Variants in TDRD12 observed in about 807,000 individuals in gnomAD.
The protein encoded by TDRD12 is putative ATP-dependent RNA helicase TDRD12.
In TDRD12, 158 loss-of-function variants were observed where a neutral mutation model predicts 133.5. The ratio of observed to expected loss-of-function variants is 1.18; its 90% CI spans 1.04 to 1.35. The LOEUF (loss-of-function observed/expected upper bound fraction) is 1.35. TDRD12 is among the 40% of genes most tolerant of loss of function. TDRD12 has a pLI of 0.00. For missense variants in TDRD12, 1,443 were observed against 1,321.3 expected, an observed-to-expected ratio of 1.09 and a Z score of -1.43; for synonymous variants, 460 against 477.9, an observed-to-expected ratio of 0.96 and a Z score of 0.49.
intron 1 of TDRD12, among the ~76,000 whole-genome samples, chr19:32,729,778 CTTTTTTTTTT>C (rs1162347194): frequency 2.2e-4 from 16 of 73,688 alleles, no homozygotes; most frequent in East Asian, 1.1e-3. Flanking sequence ...TTTTCTTTTT[CTTTTTTTTTT>C]TTTTTTTTTT....
intron 14 of TDRD12, among the ~76,000 whole-genome samples, chr19:32,796,967 G>A (rs1971245744): frequency 6.6e-6 from 1 of 151,322 alleles, no homozygotes; most frequent in African/African-American, 2.4e-5. Flanking sequence ...GTGTCCTAAG[G>A]AAGAGAGGTT....
intron 14 of TDRD12, chr19:32,796,152 A>C (rs1316670699): frequency 1.0e-6 from 1 of 985,268 alleles, no homozygotes; most frequent in Non-Finnish European, 1.2e-6. Flanking sequence ...TGGAACCTGC[A>C]TCTCGGGGCC....
chr19:32,826,424 T>C (rs1323031528), intron 8 of TDRD12, 21 bp from the exon 31 acceptor site: 1 of 1,248,210 alleles, frequency 8.0e-7, no homozygotes, highest in Non-Finnish European at 1.0e-6. Flanking sequence ...AGGCTGACTT[T>C]ATTTCTTTTT....
chr19:32,778,720 G>A (rs1190802616), intron 11 of TDRD12, among the ~76,000 whole-genome samples: 2 of 152,084 alleles, frequency 1.3e-5, no homozygotes, highest in African/African-American at 4.8e-5. Context: ...GGCTGGTCTC[G>A]AACTCATGAC....
rs1966988387 is a variant in TDRD12 at position 32,811,160 on chromosome 19, T to C, written c.2838-50T>C. On this transcript the variant is annotated intron_variant, in intron 23 of 27. Transcript: ENST00000444215. ...ATTTCATGGTAATTTGAGGCAAAGATGATCCTTTCTGGAATCTCTGCGTTG... is the reference window on the plus strand; with the variant it reads ...ATTTCATGGTAATTTGAGGCAAAGACGATCCTTTCTGGAATCTCTGCGTTG... 3 of 1,382,248 alleles carry C rather than the reference T, an allele frequency of 2.2e-6. No individual in the cohort carries two copies. The East Asian group carries it at 7.6e-5, about 35-fold the overall frequency. The allele number at this position is 1,382,248 out of a possible 1,614,324, so 85.6% of individuals were successfully genotyped here. A position where few individuals can be genotyped will look rare whatever the true frequency, so the allele number is the denominator to read the frequency against.
At chr19:32,787,279 C>G (rs1970935939) in intron 11 of TDRD12, among the ~76,000 whole-genome samples, 1 of 152,160 alleles carries the variant, frequency 6.6e-6, no homozygotes, top group Admixed American at 6.5e-5. Context: ...GCTGCCTGAT[C>G]CTTCCTCTGG....
intron 21 of TDRD12, 21 bp downstream of exon 21, chr19:32,803,163 T>C (rs1161353418): frequency 6.7e-7 from 1 of 1,482,246 alleles, no homozygotes; most frequent in African/African-American, 1.4e-5. Flanking sequence ...AATTTGTTTC[T>C]TATTAAACTG....
Position 32,731,699 on chromosome 19 carries a change from CTGTT to C in TDRD12, c.25-22_25-19del, listed in dbSNP as rs1027433024. ...TACTACTTTTAAATCATACGCTGTT[CTGTT>C]TGTCTTTTAAAAAATTTACAGATTG... On this transcript the variant is annotated intron_variant, in intron 1 of 27. Transcript: ENST00000444215. 4.6e-6 allele frequency: 7 copies of C among 1,520,978 alleles called. No homozygotes were observed. In the African/African-American group the frequency reaches 9.8e-5, roughly 21 times the overall value. The allele number at this position is 1,520,978 out of a possible 1,614,324, so 94.2% of individuals were successfully genotyped here.
At chr19:32,750,450 G>A (rs1293615373) in intron 6 of TDRD12, among the ~76,000 whole-genome samples, 2 of 152,194 alleles carry the variant, frequency 1.3e-5, no homozygotes, top group African/African-American at 4.8e-5. Context: ...ATTGTATTTT[G>A]AAATAGACTT....
chr19:32,798,533 A>G lies in TDRD12; in HGVS notation c.1758+98A>G. ...GGAAAAGTGTCTGGTTGGGGAATAC[A>G]TTGGTTAATCTAAAAAAATTTTATG... is the stretch of plus-strand genomic sequence containing the variant. On this transcript the variant is annotated intron_variant, in intron 16 of 27. Transcript: ENST00000444215. The G allele has an allele frequency of 2.9e-6, 3 of 1,023,478 alleles. No individual in the cohort carries two copies. In the South Asian group the frequency reaches 8.0e-5, roughly 27 times the overall value. The allele number at this position is 1,023,478 out of a possible 1,614,324, so 63.4% of individuals were successfully genotyped here.
At chr19:32,720,737 C>T (rs186861406) in intron 1 of TDRD12, among the ~76,000 whole-genome samples, 1,111 of 66,562 alleles carry the variant, frequency 0.017, 68 homozygotes, top group East Asian at 0.12. Flanking sequence ...CACCCCACCA[C>T]CACCCCATCT....
At chr19:32,746,173 TGA>T (rs1969616158) in intron 4 of TDRD12, among the ~76,000 whole-genome samples, 1 of 144,474 alleles carries the variant, frequency 6.9e-6, no homozygotes, top group South Asian at 2.2e-4. Flanking sequence ...ATTCTGTGTG[TGA>T]GAGAGACGGG....
intron 3 of TDRD12, 46 bp downstream of exon 3, chr19:32,739,038 G>A (rs1273361879): frequency 7.1e-6 from 11 of 1,545,976 alleles, no homozygotes; most frequent in Non-Finnish European, 8.7e-6. Context: ...AGAGACAAAT[G>A]TCAGTTTCAA....
chr19:32,820,768 CAGT>C (rs1453197206), intron 27 of TDRD12, among the ~76,000 whole-genome samples: 3 of 152,164 alleles, frequency 2.0e-5, no homozygotes, highest in Non-Finnish European at 4.4e-5. Flanking sequence ...AAGTGGGCAG[CAGT>C]GAGTATGGAA....
intron 21 of TDRD12, among the ~76,000 whole-genome samples, chr19:32,807,033 G>A (rs181657419): frequency 3.3e-5 from 5 of 152,194 alleles, no homozygotes; most frequent in Admixed American, 1.3e-4. Flanking sequence ...GTTAAGGAAC[G>A]GCTTCTGGGT....
downstream of TDRD12, among the ~76,000 whole-genome samples, chr19:32,821,929 T>G (rs1967410670): frequency 6.6e-6 from 1 of 152,106 alleles, no homozygotes; most frequent in East Asian, 1.9e-4. Flanking sequence ...CTGACGTGTA[T>G]GAACTTGGCA....
intron 4 of TDRD12, among the ~76,000 whole-genome samples, chr19:32,744,778 C>T (rs915073018): frequency 1.3e-5 from 2 of 151,982 alleles, no homozygotes; most frequent in African/African-American, 4.8e-5. Flanking sequence ...CATCCTCCCA[C>T]CCGGTGCTCC....
chr19:32,794,839 C>T (rs1244293539), intron 14 of TDRD12, 26 bp downstream of exon 14: 1 of 698,704 alleles, frequency 1.4e-6, no homozygotes, highest in African/African-American at 1.8e-5. Flanking sequence ...TTTTGCCTCA[C>T]AACCAAATGG....
At chr19:32,775,820 T>A (rs1970566200) in intron 10 of TDRD12, among the ~76,000 whole-genome samples, 1 of 152,150 alleles carries the variant, frequency 6.6e-6, no homozygotes, top group South Asian at 2.1e-4. Context: ...TGGCAGTCGA[T>A]CTGGTTTTCC....
Sources: gnomAD v4.1 joint callset for allele counts (sites outside exome capture counted in the v4.1 genomes callset) on GRCh38, gnomAD v4.1.1 for gene constraint, MANE v1.5 for transcripts, NCBI Gene and HGNC (gene_info 2026-07-23, HGNC 2026-07-21) for gene names.